Variants in CYRIB observed in about 807,000 individuals in gnomAD.
The protein encoded by CYRIB is CYFIP related Rac1 interactor B.
In CYRIB, 8 loss-of-function variants were observed where a neutral mutation model predicts 44.2. That is an observed-to-expected ratio of 0.18 (90% CI 0.11 to 0.33). The LOEUF is 0.33. Ranked by LOEUF, CYRIB falls within the 10% of genes least tolerant of loss-of-function variation. The pLI is 1.00. For synonymous variants in CYRIB, 131 were observed against 127.2 expected, an observed-to-expected ratio of 1.03 and a Z score of -0.20; for missense variants, 185 against 382.8, an observed-to-expected ratio of 0.48 and a Z score of 4.31.
chr8:129,846,027 G>A (rs142796196), intron 11 of CYRIB, among the ~76,000 whole-genome samples: 1 of 152,116 alleles, frequency 6.6e-6, no homozygotes, highest in East Asian at 1.9e-4. Context: ...AGCTACTCGG[G>A]AGGCTGAGGC....
At chr8:130,003,998 A>G (rs1458952492) in intron 1 of CYRIB, among the ~76,000 whole-genome samples, 2 of 152,156 alleles carry the variant, frequency 1.3e-5, no homozygotes, top group Admixed American at 6.5e-5. Flanking sequence ...CGGTAACCAA[A>G]AAGACTCTGC....
At chr8:129,954,230 A>G (rs903625833) in intron 2 of CYRIB, among the ~76,000 whole-genome samples, 1 of 149,928 alleles carries the variant, frequency 6.7e-6, no homozygotes, top group Admixed American at 6.7e-5. Flanking sequence ...TTAATTTTTA[A>G]TTTTTTTTTT....
Position 129,879,375 on chromosome 8 carries a change from A to T in CYRIB, c.73+14T>A. The T allele has an allele frequency of 6.3e-7, 1 of 1,577,630 alleles. No homozygotes were observed. The highest frequency in any genetic ancestry group is 8.7e-7 in the Non-Finnish European group (1 of 1,149,164). ...TGCAGGCAAAGAGAAATAGATATAA[A>T]ATCATCTTCTCACTTTCAAAATCAA... On this transcript the variant is annotated intron_variant, in intron 3 of 11. Coordinates refer to ENST00000519824, the Ensembl canonical transcript of CYRIB.
intron 1 of CYRIB, among the ~76,000 whole-genome samples, chr8:129,937,374 GTA>G (rs1172424277): frequency 1.3e-5 from 2 of 152,184 alleles, no homozygotes; most frequent in Non-Finnish European, 2.9e-5. Flanking sequence ...TGACAATCCA[GTA>G]TCTTCCCCCA....
At chr8:129,925,923 G>A (rs906183034) in intron 1 of CYRIB, among the ~76,000 whole-genome samples, 5 of 152,176 alleles carry the variant, frequency 3.3e-5, no homozygotes, top group African/African-American at 9.7e-5. Flanking sequence ...GTTAAAAAAC[G>A]TTTCCAATTT....
chr8:129,848,385 A>T (rs769417315), intron 10 of CYRIB, among the ~76,000 whole-genome samples: 2 of 152,212 alleles, frequency 1.3e-5, no homozygotes, highest in Non-Finnish European at 2.9e-5. Context: ...ACCAAACACT[A>T]ATGAACTAGA....
chr8:129,852,128 A>T, intron 8 of CYRIB, 34 bp downstream of exon 10: 1 of 1,353,418 alleles, frequency 7.4e-7, no homozygotes, highest in East Asian at 2.6e-5. Flanking sequence ...GGGCATAAAT[A>T]ACAACACAGA....
intron 1 of CYRIB, among the ~76,000 whole-genome samples, chr8:130,004,128 T>C (rs2096974569): frequency 1.3e-5 from 2 of 152,208 alleles, no homozygotes; most frequent in Admixed American, 6.5e-5. Context: ...TCCAAGGTTA[T>C]CACACTCAAG....
At position 129,975,200 on chromosome 8, in the gene CYRIB, G is replaced by A. The variant is rs112547614; in HGVS notation, c.-295-4205C>T. On this transcript the variant is annotated intron_variant, in intron 1 of 14. Transcript: ENST00000401979. The stretch of plus-strand genomic sequence containing the variant: ...GACCTAATTTTTTTTATTTCTTGTA[G>A]AGACAGGGTGTCACCATATTGCCCA... 7.4e-3 allele frequency among the ~76,000 whole-genome samples: 1,118 copies of A among 150,840 alleles called. 14 individuals carry two copies. The highest frequency in any genetic ancestry group is 0.025 in the African/African-American group (1,019 of 41,014).
intron 2 of CYRIB, among the ~76,000 whole-genome samples, chr8:129,951,511 C>T (rs1489500454): frequency 1.3e-5 from 2 of 151,984 alleles, no homozygotes; most frequent in East Asian, 3.9e-4. Context: ...TCGAGACCAG[C>T]CTGGACAGCA....
upstream of CYRIB, among the ~76,000 whole-genome samples, chr8:129,941,226 T>C (rs1293430732): frequency 1.3e-5 from 2 of 151,892 alleles, no homozygotes; most frequent in African/African-American, 2.4e-5. Flanking sequence ...AGGGATTCTA[T>C]ATTGTAGCTA....
At chr8:129,946,393 A>G (rs902419952) in intron 2 of CYRIB, among the ~76,000 whole-genome samples, 7 of 152,218 alleles carry the variant, frequency 4.6e-5, no homozygotes, top group Non-Finnish European at 1.0e-4. Context: ...CACAGGATGA[A>G]TGAACACTGA....
At chr8:129,940,840 C>T (rs1590690937), upstream of CYRIB, among the ~76,000 whole-genome samples, 1 of 152,078 alleles carries the variant, frequency 6.6e-6, no homozygotes, top group Admixed American at 6.5e-5. Flanking sequence ...CTTTTCCCCC[C>T]GGGAAAATAC....
At chr8:129,839,802 C>A (rs1007622551) in exon 12 of CYRIB, 14 of 152,346 alleles carry the variant, frequency 9.2e-5, no homozygotes, top group African/African-American at 3.1e-4. Flanking sequence ...ACTTACTCCT[C>A]AACATGCAGA....
intron 2 of CYRIB, among the ~76,000 whole-genome samples, chr8:129,955,459 C>T (rs150247675): frequency 7.9e-5 from 12 of 152,144 alleles, no homozygotes; most frequent in African/African-American, 2.4e-4. Flanking sequence ...CCCACGTTTC[C>T]GCACCAAACT....
At chr8:129,953,883 A>G (rs1462983650) in intron 2 of CYRIB, among the ~76,000 whole-genome samples, 1 of 152,252 alleles carries the variant, frequency 6.6e-6, no homozygotes, top group African/African-American at 2.4e-5. Flanking sequence ...AGATTTAGAC[A>G]GAATGACAGG....
intron 2 of CYRIB, 178 bp downstream of exon 4, chr8:129,903,134 C>G (rs535130836): frequency 6.6e-6 from 1 of 152,668 alleles, no homozygotes; most frequent in South Asian, 2.1e-4. Flanking sequence ...ATTTTCCCCA[C>G]CAGGTCCTAT....
At chr8:129,877,663 GGTGT>G (rs5895011) in intron 3 of CYRIB, among the ~76,000 whole-genome samples, 27,401 of 130,546 alleles carry the variant, frequency 0.21, 3,363 homozygotes, top group East Asian at 0.49. Flanking sequence ...AAAAAAAAAA[GGTGT>G]GTGTGTGTGT....
At chr8:129,877,952 T>TAAAC (rs1011004242) in intron 3 of CYRIB, among the ~76,000 whole-genome samples, 1 of 151,948 alleles carries the variant, frequency 6.6e-6, no homozygotes, top group Non-Finnish European at 1.5e-5. Context: ...CAGATGCAAA[T>TAAAC]AAACTAAAAT....
Sources: gnomAD v4.1 joint callset for allele counts (sites outside exome capture counted in the v4.1 genomes callset) on GRCh38, gnomAD v4.1.1 for gene constraint, MANE v1.5 for transcripts, NCBI Gene and HGNC (gene_info 2026-07-23, HGNC 2026-07-21) for gene names.